Variants in CALN1 observed in about 807,000 individuals in gnomAD.
CALN1 encodes the protein calneuron 1.
In CALN1, 17 loss-of-function variants were observed where a neutral mutation model predicts 30.6. The observed-to-expected ratio is 0.56, with a 90% CI of 0.38 to 0.83. The LOEUF (loss-of-function observed/expected upper bound fraction) is 0.83, where lower values mean the gene tolerates loss of function less well. CALN1 is among the 40% of genes least tolerant of loss of function. The pLI is 0.00. For synonymous variants in CALN1, 156 were observed against 131.4 expected (o/e 1.19, Z -1.28); for missense variants, 291 against 354.9 (o/e 0.82, Z 1.45).
intron 3 of CALN1, among the ~76,000 whole-genome samples, chr7:72,162,939 A>C (rs1261683455): frequency 6.6e-6 from 1 of 152,182 alleles, no homozygotes; most frequent in African/African-American, 2.4e-5. Context: ...GAAAGGAGAG[A>C]GCTGCACAGG....
intron 2 of CALN1, among the ~76,000 whole-genome samples, chr7:72,302,963 C>G (rs867758913): frequency 6.1e-5 from 9 of 146,540 alleles, no homozygotes; most frequent in African/African-American, 1.8e-4. Flanking sequence ...GTCCCAGTTA[C>G]CACAGAGACT....
At chr7:72,323,669 AAAAAAT>A (rs1193200632) in intron 2 of CALN1, among the ~76,000 whole-genome samples, 8 of 150,766 alleles carry the variant, frequency 5.3e-5, no homozygotes, top group Admixed American at 1.3e-4. Flanking sequence ...CTCAAAAAAA[AAAAAAT>A]AAAAAATAAA....
In CALN1 at chr7:72,370,440, G is replaced by A. The variant is rs185777206; in HGVS notation, c.119+32811C>T. ...GAGGCTGAGGCAGGCGGATCACGAGGTCAGGAGATCGAGACCATCCTGGCT... is the reference window on the plus strand; with the variant it reads ...GAGGCTGAGGCAGGCGGATCACGAGATCAGGAGATCGAGACCATCCTGGCT... On this transcript the variant is annotated intron_variant, in intron 2 of 6. Coordinates refer to ENST00000395275, the MANE Select transcript of CALN1 (RefSeq NM_031468.4). Among the ~76,000 whole-genome samples the A allele has an allele frequency of 3.3e-3, 501 of 152,032 alleles. 2 individuals carry two copies. The highest frequency in any genetic ancestry group is 0.011 in the African/African-American group (466 of 41,486).
intron 4 of CALN1, among the ~76,000 whole-genome samples, chr7:72,079,177 G>A (rs894305098): frequency 6.6e-6 from 1 of 152,184 alleles, no homozygotes; most frequent in Non-Finnish European, 1.5e-5. Context: ...ATGCAAAGCC[G>A]AGTAAAGCAA....
chr7:72,336,551 G>C (rs1802052784), intron 2 of CALN1, among the ~76,000 whole-genome samples: 1 of 152,146 alleles, frequency 6.6e-6, no homozygotes, highest in South Asian at 2.1e-4. Flanking sequence ...CAACAGGTAC[G>C]GGAGGCGCTG....
rs193151924 is a variant in CALN1 at position 72,378,004 on chromosome 7, C to T, written c.119+25247G>A. 8.0e-3 allele frequency among the ~76,000 whole-genome samples: 1,213 copies of T among 152,146 alleles called. 19 individuals are homozygous for T. Among genetic ancestry groups the T allele is most frequent in the African/African-American group, 0.028 (1,156 of 41,502 alleles). ...ATTTCCCCCAAAGCATTTTATTTCCCAGCCATTCGTCCTGAACTTTTTGAT... is the reference window on the plus strand; with the variant it reads ...ATTTCCCCCAAAGCATTTTATTTCCTAGCCATTCGTCCTGAACTTTTTGAT... On this transcript the variant is annotated intron_variant, in intron 2 of 6. Coordinates refer to ENST00000395275, the MANE Select transcript of CALN1 (RefSeq NM_031468.4).
At chr7:71,956,877 A>T (rs2129524756) in intron 5 of CALN1, among the ~76,000 whole-genome samples, 1 of 151,974 alleles carries the variant, frequency 6.6e-6, no homozygotes, top group Non-Finnish European at 1.5e-5. Context: ...ATGTATTTTT[A>T]GTGGAGGTGA....
At chr7:72,419,217 G>A (rs546073227) in intron 1 of CALN1, among the ~76,000 whole-genome samples, 45 of 152,204 alleles carry the variant, frequency 3.0e-4, no homozygotes, top group African/African-American at 8.4e-4. Flanking sequence ...CCAAAATTCC[G>A]TGTTGCACAT....
At chr7:71,837,243 CAA>C (rs55977265) in intron 5 of CALN1, among the ~76,000 whole-genome samples, 94 of 79,130 alleles carry the variant, frequency 1.2e-3, no homozygotes, top group Admixed American at 1.5e-3. Flanking sequence ...AAAAAAAAGA[CAA>C]AAAAAAAAAA....
At chr7:72,188,468 G>GT (rs1790364178) in intron 3 of CALN1, among the ~76,000 whole-genome samples, 1 of 151,700 alleles carries the variant, frequency 6.6e-6, no homozygotes, top group African/African-American at 2.4e-5. Flanking sequence ...ACCAAACATC[G>GT]TATGTTCTCA....
chr7:72,177,307 G>A (rs769560306), intron 3 of CALN1, among the ~76,000 whole-genome samples: 4 of 152,106 alleles, frequency 2.6e-5, no homozygotes, highest in African/African-American at 4.8e-5. Context: ...TTTAAGGAAG[G>A]TAAACAGAAA....
At chr7:72,430,096 C>T (rs775774726) in intron 1 of CALN1, among the ~76,000 whole-genome samples, 2 of 151,160 alleles carry the variant, frequency 1.3e-5, no homozygotes, top group Non-Finnish European at 2.9e-5. Context: ...GCTGGGATTA[C>T]AGGTGTGAGC....
intron 5 of CALN1, among the ~76,000 whole-genome samples, chr7:71,911,184 G>C (rs753808277): frequency 1.3e-5 from 2 of 152,176 alleles, no homozygotes; most frequent in Non-Finnish European, 2.9e-5. Flanking sequence ...CCTGTATTTT[G>C]GTAGCTGATT....
At chr7:72,168,940 G>C (rs1229115841) in intron 3 of CALN1, among the ~76,000 whole-genome samples, 2 of 151,462 alleles carry the variant, frequency 1.3e-5, no homozygotes, top group Non-Finnish European at 2.9e-5. Flanking sequence ...CGAGTAGCTG[G>C]GATTACAGGT....
intron 1 of CALN1, among the ~76,000 whole-genome samples, chr7:72,427,652 T>C (rs1807839805): frequency 6.6e-6 from 1 of 151,198 alleles, no homozygotes; most frequent in African/African-American, 2.4e-5. Context: ...AATTTATTTT[T>C]ATTTTTATTT....
chr7:72,487,880 G>GA, the CALN1 span, among the ~76,000 whole-genome samples: 184 of 58,502 alleles, frequency 3.1e-3, 2 homozygotes, highest in Middle Eastern at 8.5e-3. Flanking sequence ...AAGAAAGAAA[G>GA]AAAGAAAAGA....
intron 5 of CALN1, among the ~76,000 whole-genome samples, chr7:71,857,026 G>GTGTGTGTGTA (rs977639035): frequency 3.4e-5 from 5 of 147,720 alleles, no homozygotes; most frequent in Middle Eastern, 3.4e-3. Flanking sequence ...ATGTGTGTGT[G>GTGTGTGTGTA]TGTGTGTGTG....
intron 5 of CALN1, among the ~76,000 whole-genome samples, chr7:71,875,719 A>G (rs1792203263): frequency 6.6e-6 from 1 of 152,160 alleles, no homozygotes; most frequent in Non-Finnish European, 1.5e-5. Context: ...AAAGTGAAAA[A>G]GAGGTGGGGT....
At chr7:72,115,996 A>G (rs1389390224) in intron 3 of CALN1, among the ~76,000 whole-genome samples, 2 of 151,994 alleles carry the variant, frequency 1.3e-5, no homozygotes, top group Non-Finnish European at 2.9e-5. Context: ...AAATGACAGG[A>G]TCTCATTCAT....
Sources: allele counts gnomAD v4.1 joint callset (sites outside exome capture counted in the v4.1 genomes callset), GRCh38; gene constraint gnomAD v4.1.1; transcripts MANE v1.5; gene names NCBI Gene and HGNC (gene_info 2026-07-23, HGNC 2026-07-21).